ABTB3: variants seen among roughly 807,000 people sequenced by gnomAD.
ABTB3 encodes ankyrin repeat- and BTB/POZ domain-containing protein 3.
chr12:107,319,202 T>G, the ABTB3 span: 1 of 1,591,496 alleles, frequency 6.3e-7, no homozygotes, highest in Non-Finnish European at 8.5e-7. Context: ...CCAGCACTGC[T>G]CGCGGCTGCT....
chr12:107,349,342 G>A, the ABTB3 span, among the ~76,000 whole-genome samples: 1 of 152,206 alleles, frequency 6.6e-6, no homozygotes, highest in East Asian at 1.9e-4. Context: ...ATCACAGTGA[G>A]CAATTTCACT....
chr12:107,428,678 C>T, the ABTB3 span, among the ~76,000 whole-genome samples: 1 of 152,226 alleles, frequency 6.6e-6, no homozygotes, highest in Admixed American at 6.5e-5. Context: ...CTGTGCCTTC[C>T]AGATCAAAAA....
the ABTB3 span, among the ~76,000 whole-genome samples, chr12:107,621,613 C>T: frequency 6.6e-6 from 1 of 152,116 alleles, no homozygotes; most frequent in African/African-American, 2.4e-5. Context: ...AGAAAAGTGC[C>T]CAGCTCATAA....
chr12:107,359,395 T>A, the ABTB3 span, among the ~76,000 whole-genome samples: 1 of 152,164 alleles, frequency 6.6e-6, no homozygotes, highest in Non-Finnish European at 1.5e-5. Context: ...ACCTGCTCCC[T>A]TTCCAGTCTT....
chr12:107,418,211 G>C, the ABTB3 span, among the ~76,000 whole-genome samples: 1 of 152,168 alleles, frequency 6.6e-6, no homozygotes, highest in Non-Finnish European at 1.5e-5. Context: ...GAAAAACCTT[G>C]AAAAGGCTAG....
At chr12:107,586,913 T>C in the ABTB3 span, among the ~76,000 whole-genome samples, 23 of 152,308 alleles carry the variant, frequency 1.5e-4, 1 homozygote, top group African/African-American at 5.3e-4. Flanking sequence ...CCTGCCGAGG[T>C]GCCATTTGAT....
the ABTB3 span, among the ~76,000 whole-genome samples, chr12:107,457,085 C>T: frequency 2.6e-5 from 4 of 152,200 alleles, no homozygotes; most frequent in Non-Finnish European, 1.5e-5. Flanking sequence ...TGGTCTCGAA[C>T]TCCTGACCTC....
the ABTB3 span, among the ~76,000 whole-genome samples, chr12:107,398,144 A>C: frequency 6.6e-6 from 1 of 151,868 alleles, no homozygotes; most frequent in Admixed American, 6.6e-5. Flanking sequence ...GCCACCTTGC[A>C]CAGCTCTGGC....
chr12:107,464,254 T>C, the ABTB3 span, among the ~76,000 whole-genome samples: 1 of 134,404 alleles, frequency 7.4e-6, no homozygotes, highest in Non-Finnish European at 1.6e-5. Flanking sequence ...TGTGTGTGTG[T>C]GTGTGTATTT....
the ABTB3 span, among the ~76,000 whole-genome samples, chr12:107,474,078 C>G: frequency 6.6e-6 from 1 of 152,174 alleles, no homozygotes; most frequent in Non-Finnish European, 1.5e-5. Flanking sequence ...GCCACTGCAC[C>G]CAGCCGAGGC....
chr12:107,577,997 AT>A, the ABTB3 span, among the ~76,000 whole-genome samples: 131 of 152,012 alleles, frequency 8.6e-4, no homozygotes, highest in African/African-American at 3.1e-3. Flanking sequence ...CCAGTGGAAC[AT>A]TGTTCTCTTA....
chr12:107,639,882 C>A, the ABTB3 span, among the ~76,000 whole-genome samples: 1 of 152,196 alleles, frequency 6.6e-6, no homozygotes, highest in African/African-American at 2.4e-5. Flanking sequence ...GGAACAGGCT[C>A]ATTTGTCACT....
chr12:107,319,398 G>C, the ABTB3 span: 15 of 1,596,794 alleles, frequency 9.4e-6, no homozygotes, highest in Admixed American at 1.7e-5. Context: ...CTGAGCCTGC[G>C]CTTCGCCAAG....
the ABTB3 span, among the ~76,000 whole-genome samples, chr12:107,323,319 C>T: frequency 4.6e-5 from 7 of 152,064 alleles, no homozygotes; most frequent in Non-Finnish European, 7.4e-5. Flanking sequence ...TGTACCTGTC[C>T]ACCTTTCTAA....
chr12:107,627,448 C>T, the ABTB3 span, among the ~76,000 whole-genome samples: 2 of 152,198 alleles, frequency 1.3e-5, no homozygotes, highest in African/African-American at 2.4e-5. Context: ...CCTATGTTAG[C>T]GATGATAGCC....
the ABTB3 span, among the ~76,000 whole-genome samples, chr12:107,322,212 G>C: frequency 2.0e-5 from 3 of 152,192 alleles, no homozygotes; most frequent in Non-Finnish European, 4.4e-5. Context: ...CACAGAGTTG[G>C]TTTTGGGCAG....
chr12:107,375,128 C>G, the ABTB3 span, among the ~76,000 whole-genome samples: 1 of 152,132 alleles, frequency 6.6e-6, no homozygotes, highest in Non-Finnish European at 1.5e-5. Flanking sequence ...TTTAAAATAA[C>G]AGTAGTGGCT....
the ABTB3 span, among the ~76,000 whole-genome samples, chr12:107,487,252 C>A: frequency 2.0e-4 from 30 of 152,146 alleles, no homozygotes; most frequent in African/African-American, 7.2e-4. Context: ...TAGCCCTGTT[C>A]CTGCCTCAAA....
At chr12:107,398,571 G>C in the ABTB3 span, among the ~76,000 whole-genome samples, 2 of 152,190 alleles carry the variant, frequency 1.3e-5, no homozygotes, top group South Asian at 4.1e-4. Context: ...ATTCAGAAAT[G>C]TCTCTTTATT....
Sources: gnomAD v4.1 joint callset for allele counts (sites outside exome capture counted in the v4.1 genomes callset) on GRCh38, gnomAD v4.1.1 for gene constraint, MANE v1.5 for transcripts, NCBI Gene and HGNC (gene_info 2026-07-23, HGNC 2026-07-21) for gene names.